SLC8A1: variants seen among roughly 807,000 people sequenced by gnomAD.
SLC8A1 encodes the protein sodium/calcium exchanger 1.
In SLC8A1, 18 loss-of-function variants were observed where a neutral mutation model predicts 68.3. The observed-to-expected ratio is 0.26, with a 90% confidence interval of 0.18 to 0.39. SLC8A1 has a LOEUF of 0.39. SLC8A1 is among the 10% of genes least tolerant of loss of function. The pLI is 1.00. For synonymous variants in SLC8A1, 475 were observed against 415.5 expected, an observed-to-expected ratio of 1.14 and a Z score of -1.74; for missense variants, 985 against 1,156.7, an observed-to-expected ratio of 0.85 and a Z score of 2.15.
intron 2 of SLC8A1, chr2:40,251,815 G>T (rs952018070): frequency 2.0e-5 from 3 of 152,128 alleles, no homozygotes; most frequent in Non-Finnish European, 4.4e-5. Flanking sequence ...TCTTTTAGAA[G>T]TTGGTCTAAT....
intron 6 of SLC8A1, among the ~76,000 whole-genome samples, chr2:40,148,558 A>T (rs182594728): frequency 4.6e-5 from 7 of 152,276 alleles, no homozygotes; most frequent in African/African-American, 1.7e-4. Context: ...GGCACCCCTC[A>T]TCTGCCTGTT....
chr2:40,227,308 C>G (rs979832802), intron 2 of SLC8A1, among the ~76,000 whole-genome samples: 1 of 152,038 alleles, frequency 6.6e-6, no homozygotes, highest in Non-Finnish European at 1.5e-5. Flanking sequence ...TTTCTCACCA[C>G]TCCAGCTTGA....
intron 2 of SLC8A1, among the ~76,000 whole-genome samples, chr2:40,184,589 A>G (rs1434916944): frequency 6.6e-6 from 1 of 152,172 alleles, no homozygotes; most frequent in Non-Finnish European, 1.5e-5. Context: ...TTTTTACACA[A>G]CAGTGATTAT....
At chr2:40,383,737 G>A (rs925148973) in intron 2 of SLC8A1, among the ~76,000 whole-genome samples, 7 of 151,964 alleles carry the variant, frequency 4.6e-5, no homozygotes, top group East Asian at 1.9e-4. Flanking sequence ...AATTTATTTG[G>A]CAAGACACTA....
chr2:40,249,366 TA>T lies in SLC8A1; in HGVS notation c.1809-71512del, dbSNP rs1024948014. On this transcript the variant is annotated intron_variant, in intron 2 of 7. Coordinates refer to ENST00000406785, the Ensembl canonical transcript of SLC8A1. ...GCAAAACTTTTAAGTATTTTTACTT[TA>T]AAAAAAGGATAGAAACAAAGCAATG... 5.3e-5 allele frequency among the ~76,000 whole-genome samples: 8 copies of T among 152,314 alleles called. No homozygotes were observed. The South Asian group carries it at 1.2e-3, about 24-fold the overall frequency.
chr2:40,483,493 C>G (rs72953164), intron 1 of SLC8A1, among the ~76,000 whole-genome samples: 1 of 152,030 alleles, frequency 6.6e-6, no homozygotes, highest in Non-Finnish European at 1.5e-5. Context: ...TCCTAACCTC[C>G]GCAAGAGAAT....
chr2:40,118,920 T>A (rs1305008054), intron 7 of SLC8A1, among the ~76,000 whole-genome samples: 1 of 152,124 alleles, frequency 6.6e-6, no homozygotes, highest in Non-Finnish European at 1.5e-5. Flanking sequence ...ACTTCCTGGG[T>A]ATCCCATGTG....
Position 40,200,256 on chromosome 2 carries a change from A to ATC in SLC8A1, c.1809-22402_1809-22401insGA, listed in dbSNP as rs1558723890. Among the ~76,000 whole-genome samples the ATC allele has an allele frequency of 3.6e-5, 3 of 82,732 alleles. 1 individual carries two copies. Among genetic ancestry groups the ATC allele is most frequent in the Admixed American group, 1.7e-4 (1 of 6,006 alleles). 54.3% of individuals were successfully genotyped at this position (82,732 alleles called of 152,430 possible). A position where few individuals can be genotyped will look rare whatever the true frequency, so the allele number is the denominator to read the frequency against. On this transcript the variant is annotated intron_variant, in intron 2 of 7. Coordinates refer to ENST00000406785, the Ensembl canonical transcript of SLC8A1. Reference sequence around the variant, plus strand: ...TATATATAAATATATATATATATATATATATATATATAACCTCTTTTAGTA... The same window carrying ATC: ...TATATATAAATATATATATATATATATCTATATATATATAACCTCTTTTAGTA...
At chr2:40,263,974 A>T (rs1403126362) in intron 2 of SLC8A1, among the ~76,000 whole-genome samples, 1 of 152,234 alleles carries the variant, frequency 6.6e-6, no homozygotes, top group Non-Finnish European at 1.5e-5. Flanking sequence ...AATATCCAGA[A>T]TCTACAATGA....
intron 1 of SLC8A1, among the ~76,000 whole-genome samples, chr2:40,495,586 A>G (rs1222853433): frequency 6.6e-6 from 1 of 152,098 alleles, no homozygotes; most frequent in Middle Eastern, 3.2e-3. Flanking sequence ...AATCAACACG[A>G]ACAATGAGAA....
At chr2:40,178,542 G>C (rs1198844128) in intron 2 of SLC8A1, 49 bp from the exon 3 acceptor site, 2 of 1,486,936 alleles carry the variant, frequency 1.3e-6, no homozygotes, top group South Asian at 2.3e-5. Flanking sequence ...GGAAAGAGAA[G>C]AGAAGGAACA....
intron 1 of SLC8A1, among the ~76,000 whole-genome samples, chr2:40,481,205 A>G (rs1704606648): frequency 6.6e-6 from 1 of 152,212 alleles, no homozygotes; most frequent in African/African-American, 2.4e-5. Context: ...AGTTTACCAT[A>G]GGGAGGAATG....
intron 2 of SLC8A1, among the ~76,000 whole-genome samples, chr2:40,302,642 T>C (rs1042653064): frequency 2.0e-5 from 3 of 151,600 alleles, no homozygotes; most frequent in African/African-American, 7.3e-5. Flanking sequence ...ACTTGTTGAC[T>C]GAGGGCATTT....
At chr2:40,157,706 C>T (rs745741292) in intron 6 of SLC8A1, among the ~76,000 whole-genome samples, 7 of 152,190 alleles carry the variant, frequency 4.6e-5, no homozygotes, top group South Asian at 2.1e-4. Flanking sequence ...TGCTGGCACA[C>T]TTTAACAGCA....
intron 2 of SLC8A1, among the ~76,000 whole-genome samples, chr2:40,297,855 G>A (rs1335636485): frequency 6.6e-6 from 1 of 152,122 alleles, no homozygotes; most frequent in Non-Finnish European, 1.5e-5. Flanking sequence ...AAACACAACT[G>A]AGATGAAGTT....
At chr2:40,264,685 C>G (rs2065131974) in intron 2 of SLC8A1, among the ~76,000 whole-genome samples, 1 of 152,158 alleles carries the variant, frequency 6.6e-6, no homozygotes, top group Non-Finnish European at 1.5e-5. Context: ...GAACATCACA[C>G]TCTGAGGACT....
At chr2:40,159,979 C>T (rs1343705678) in intron 6 of SLC8A1, among the ~76,000 whole-genome samples, 38 of 152,130 alleles carry the variant, frequency 2.5e-4, no homozygotes, top group Non-Finnish European at 1.5e-5. Context: ...TAATTCGTTG[C>T]AACTGTAGAA....
intron 2 of SLC8A1, among the ~76,000 whole-genome samples, chr2:40,325,694 G>A (rs902751535): frequency 1.3e-5 from 2 of 149,570 alleles, no homozygotes; most frequent in Non-Finnish European, 3.0e-5. Flanking sequence ...AGCACTTTGG[G>A]AGGCCAAGAC....
At chr2:40,358,662 T>A (rs1453465425) in intron 2 of SLC8A1, among the ~76,000 whole-genome samples, 2 of 152,226 alleles carry the variant, frequency 1.3e-5, no homozygotes, top group Non-Finnish European at 2.9e-5. Flanking sequence ...ATTGATTCAT[T>A]AATTCACTCA....
Sources: gnomAD v4.1 joint callset for allele counts (sites outside exome capture counted in the v4.1 genomes callset) on GRCh38, gnomAD v4.1.1 for gene constraint, MANE v1.5 for transcripts, NCBI Gene and HGNC (gene_info 2026-07-23, HGNC 2026-07-21) for gene names.